ANKHD1: variants seen among roughly 807,000 people sequenced by gnomAD.
The protein encoded by ANKHD1 is ankyrin repeat and KH domain-containing protein 1.
A neutral mutation model predicts 230.5 loss-of-function variants in ANKHD1; 31 were observed. That is an observed-to-expected ratio of 0.13 (90% confidence interval 0.10 to 0.18). The LOEUF is 0.18. Ranked by LOEUF, ANKHD1 falls within the 10% of genes least tolerant of loss-of-function variation. The probability of loss-of-function intolerance (pLI) is 1.00; values close to 1 mark genes in which losing one functional copy is unlikely to be tolerated. For synonymous variants in ANKHD1, 1,074 were observed against 1,117.6 expected (o/e 0.96, Z 0.78); for missense variants, 2,256 against 3,071.3 (o/e 0.73, Z 6.27).
intron 1 of ANKHD1, among the ~76,000 whole-genome samples, chr5:140,415,624 A>C (rs1175684726): frequency 2.6e-5 from 4 of 150,954 alleles, no homozygotes; most frequent in Admixed American, 2.0e-4. Context: ...TTTTTAGTAG[A>C]TAGGGGGTTT....
At chr5:140,472,328 A>G in intron 10 of ANKHD1, 1 of 1,611,904 alleles carries the variant, frequency 6.2e-7, no homozygotes, top group Non-Finnish European at 8.5e-7. Context: ...GTAAGCTACT[A>G]CGTAAAGAAT....
chr5:140,423,764 A>G (rs1449422977), intron 1 of ANKHD1, among the ~76,000 whole-genome samples: 1 of 152,208 alleles, frequency 6.6e-6, no homozygotes, highest in East Asian at 1.9e-4. Context: ...GCACTCCACT[A>G]TGATGAATGT....
intron 32 of ANKHD1, 81 bp from the exon 33 acceptor site, chr5:140,538,838 C>T (rs1212092628): frequency 1.5e-6 from 2 of 1,318,858 alleles, no homozygotes; most frequent in Non-Finnish European, 9.8e-7. Context: ...TTAGAGAAGT[C>T]TAAGCTGGTA....
At chr5:140,466,049 T>C (rs891535443) in intron 10 of ANKHD1, among the ~76,000 whole-genome samples, 1 of 152,244 alleles carries the variant, frequency 6.6e-6, no homozygotes, top group African/African-American at 2.4e-5. Context: ...CTCTTCATTG[T>C]ATTTTCTACA....
At chr5:140,531,947 G>A (rs778112840) in intron 29 of ANKHD1, among the ~76,000 whole-genome samples, 12 of 152,084 alleles carry the variant, frequency 7.9e-5, no homozygotes, top group Non-Finnish European at 1.3e-4. Context: ...GGTGGCTCAC[G>A]CCTATAATCC....
intron 14 of ANKHD1, among the ~76,000 whole-genome samples, chr5:140,491,472 T>A (rs1751805065): frequency 6.6e-6 from 1 of 152,072 alleles, no homozygotes; most frequent in African/African-American, 2.4e-5. Flanking sequence ...GCGATTACCT[T>A]GTATTTTTAA....
At chr5:140,505,049 A>G (rs1752483982) in intron 16 of ANKHD1, 73 bp from the exon 17 acceptor site, 1 of 1,602,454 alleles carries the variant, frequency 6.2e-7, no homozygotes, top group Non-Finnish European at 8.5e-7. Context: ...TTATTGTGAA[A>G]AGAAATATTA....
chr5:140,461,032 A>G (rs1164529359), intron 9 of ANKHD1, among the ~76,000 whole-genome samples: 6 of 152,118 alleles, frequency 3.9e-5, no homozygotes. Flanking sequence ...TCCCTCTCTT[A>G]AGCTAAAGTC....
intron 15 of ANKHD1, among the ~76,000 whole-genome samples, chr5:140,503,549 C>CTTCCTT (rs1752397231): frequency 3.8e-5 from 2 of 52,316 alleles, no homozygotes; most frequent in African/African-American, 1.5e-4. Flanking sequence ...ACTCAGTTTT[C>CTTCCTT]TTTCTTTTTT....
At position 140,528,608 on chromosome 5, in the gene ANKHD1, T is replaced by G; in HGVS notation, c.5662T>G (p.Trp1888Gly). The G allele has an allele frequency of 1.9e-6, 3 of 1,614,168 alleles. No individual in the cohort carries two copies. Among genetic ancestry groups the G allele is most frequent in the Non-Finnish European group, 1.7e-6 (2 of 1,180,038 alleles). ...AACCTTCTCACCTTCTCCTAACACA[T>G]GGGGACCATTCCCAGTGAGACCTGT... is the stretch of plus-strand genomic sequence containing the variant. ...GGTFSPSPNT[W>G]GPFPVRPVNP... Residue 1888 changes from tryptophan to glycine, a missense_variant, in exon 29 of 34, where the codon TGG becomes GGG. Trp to Gly is a radical substitution (Grantham distance 184). Around this residue, in one of 13 missense-constraint regions of ANKHD1, gnomAD observed 778 missense variants for 966.5 expected, o/e 0.80. Coordinates refer to ENST00000360839, the MANE Select transcript of ANKHD1 (RefSeq NM_017747.3).
chr5:140,403,071 G>C (rs1770112361), intron 1 of ANKHD1, among the ~76,000 whole-genome samples: 1 of 143,084 alleles, frequency 7.0e-6, no homozygotes, highest in Non-Finnish European at 1.5e-5. Context: ...CCGGGTTCAA[G>C]CGATTCTCCT....
Position 140,527,163 on chromosome 5 carries a change from G to A in ANKHD1, c.5087+89G>A. On this transcript the variant is annotated intron_variant, in intron 27 of 33. Transcript: ENST00000360839. This position sits in a 1 kb window ranked among gnomAD's most constrained non-coding sequence, Gnocchi z 4.5. ...TACCTAGTTAATTAATGAATAATTT[G>A]AATGTGGTTATTATTTTAAACTGCA... The A allele has an allele frequency of 7.0e-7, 1 of 1,435,190 alleles. No individual in the cohort carries two copies. The allele number at this position is 1,435,190 out of a possible 1,614,324, so 88.9% of individuals were successfully genotyped here.
intron 6 of ANKHD1, 99 bp downstream of exon 6, chr5:140,446,074 C>T: frequency 1.7e-6 from 2 of 1,174,404 alleles, no homozygotes; most frequent in Non-Finnish European, 2.2e-6. Context: ...CTTATGTTTT[C>T]CCTGTGCTAT....
chr5:140,495,945 G>GA (rs988905771), intron 14 of ANKHD1, among the ~76,000 whole-genome samples: 1 of 152,068 alleles, frequency 6.6e-6, no homozygotes, highest in Non-Finnish European at 1.5e-5. Flanking sequence ...GACATGTCTT[G>GA]AAAAAACTGA....
chr5:140,533,669 CG>C (rs1753939336), intron 29 of ANKHD1, among the ~76,000 whole-genome samples: 1 of 146,710 alleles, frequency 6.8e-6, no homozygotes, highest in African/African-American at 2.5e-5. Flanking sequence ...AGCTACTCAG[CG>C]GGGCTAGGCA....
In ANKHD1 at chr5:140,535,545, ATCCTGGAGGAAC is replaced by A. The variant is rs900288645; in HGVS notation, c.7027+10_7027+21del. 1 of 1,580,170 alleles carries A rather than the reference ATCCTGGAGGAAC, an allele frequency of 6.3e-7. No individual in the cohort carries two copies. The highest frequency in any genetic ancestry group is 8.6e-7 in the Non-Finnish European group (1 of 1,168,712). ...ACAAGCGCCTCAAACTCATGTAGGA[ATCCTGGAGGAAC>A]TCTTCCCAAAGAGTTTTGAATAAGT... On this transcript the variant is annotated splice_region_variant and intron_variant, in intron 30 of 33. Coordinates refer to ENST00000360839, the MANE Select transcript of ANKHD1 (RefSeq NM_017747.3).
Position 140,459,372 on chromosome 5 carries a change from T to A in ANKHD1, c.1672+17T>A, listed in dbSNP as rs970375691. 1 of 1,530,342 alleles carries A rather than the reference T, an allele frequency of 6.5e-7. No homozygotes were observed. The highest frequency in any genetic ancestry group is 1.4e-5 in the African/African-American group (1 of 72,806). 94.8% of individuals were successfully genotyped at this position (1,530,342 alleles called of 1,614,324 possible). On this transcript the variant is annotated intron_variant, in intron 9 of 33. Transcript: ENST00000360839. ...TGGCTTCTGGTATGTGGCTTTAAGA[T>A]GCCTTATTGCTCAGAAAGACAAATA...
chr5:140,456,180 A>G (rs1202525391), intron 7 of ANKHD1, among the ~76,000 whole-genome samples: 1 of 152,230 alleles, frequency 6.6e-6, no homozygotes, highest in Admixed American at 6.5e-5. Context: ...TTCAAGGAGA[A>G]CTACAAACCA....
chr5:140,471,852 A>G (rs1329062314), intron 10 of ANKHD1, among the ~76,000 whole-genome samples: 1 of 152,040 alleles, frequency 6.6e-6, no homozygotes, highest in African/African-American at 2.4e-5. Flanking sequence ...ATCTTACAGT[A>G]TTTTCCTCCG....
Sources: gnomAD v4.1 joint callset for allele counts (sites outside exome capture counted in the v4.1 genomes callset) on GRCh38, gnomAD v4.1.1 for gene constraint, gnomAD v4.1.1 regional missense constraint, Gnocchi (gnomAD v3.1) non-coding constraint, MANE v1.5 for transcripts, NCBI Gene and HGNC (gene_info 2026-07-23, HGNC 2026-07-21) for gene names.